The following HDAC5 variants were observed in gnomAD, a reference collection of about 807,000 sequenced individuals.
HDAC5 encodes histone deacetylase 5.
In HDAC5, 25 loss-of-function variants were observed where a neutral mutation model predicts 133.3. That is an observed-to-expected ratio of 0.19 (90% CI 0.14 to 0.26). The LOEUF (loss-of-function observed/expected upper bound fraction) is 0.26. Ranked by LOEUF, HDAC5 falls within the 10% of genes least tolerant of loss-of-function variation. HDAC5 has a pLI of 1.00. For missense variants in HDAC5, 1,041 were observed against 1,460.5 expected (o/e 0.71, Z 4.68); for synonymous variants, 589 against 610.8 (o/e 0.96, Z 0.53).
At chr17:44,110,952 T>G in intron 2 of HDAC5, 152 bp from the exon 3 acceptor site, 19 of 643,432 alleles carry the variant, frequency 3.0e-5, no homozygotes, top group East Asian at 2.8e-5. Context: ...ACAGCACAGG[T>G]TCCCTCAGGC....
chr17:44,085,184 C>A, intron 14 of HDAC5, 29 bp from the exon 15 acceptor site: 4 of 1,563,696 alleles, frequency 2.6e-6, no homozygotes, highest in Non-Finnish European at 3.5e-6. Flanking sequence ...TGTCAGCCAG[C>A]ACTGCTCTGG....
At chr17:44,088,669 C>A in intron 11 of HDAC5, 71 bp from the exon 12 acceptor site, 2 of 1,544,688 alleles carry the variant, frequency 1.3e-6, no homozygotes, top group Non-Finnish European at 1.8e-6. Flanking sequence ...GACCCTGCAT[C>A]TTGCCCCCAC....
chr17:44,095,854 G>C (rs2051240160), intron 3 of HDAC5, among the ~76,000 whole-genome samples: 1 of 152,064 alleles, frequency 6.6e-6, no homozygotes, highest in African/African-American at 2.4e-5. Flanking sequence ...TGGTCTTACG[G>C]AGAACCGGCT....
chr17:44,094,461 T>C (rs1002284109), intron 3 of HDAC5, among the ~76,000 whole-genome samples: 27 of 151,236 alleles, frequency 1.8e-4, no homozygotes, highest in African/African-American at 4.9e-4. Flanking sequence ...CATGGTGAAA[T>C]CCTGTCTCTA....
At chr17:44,114,444 G>T (rs902806730) in intron 2 of HDAC5, among the ~76,000 whole-genome samples, 20 of 146,380 alleles carry the variant, frequency 1.4e-4, no homozygotes, top group Non-Finnish European at 2.2e-4. Context: ...GCGTGGGGGG[G>T]GGGGGCTGCT....
At chr17:44,094,843 G>A (rs1446607639) in intron 3 of HDAC5, among the ~76,000 whole-genome samples, 2 of 151,502 alleles carry the variant, frequency 1.3e-5, no homozygotes, top group Non-Finnish European at 2.9e-5. Context: ...TTGCTCTGTC[G>A]CCCAGGCTGG....
At chr17:44,110,135 AG>A (rs2052246287) in intron 3 of HDAC5, among the ~76,000 whole-genome samples, 1 of 152,214 alleles carries the variant, frequency 6.6e-6, no homozygotes, top group Non-Finnish European at 1.5e-5. Context: ...GGAGACAGCT[AG>A]GGGCTAAGGC....
At chr17:44,086,502 C>T in intron 14 of HDAC5, 70 bp downstream of exon 14, 1 of 1,227,818 alleles carries the variant, frequency 8.1e-7, no homozygotes, top group East Asian at 3.1e-5. Flanking sequence ...TTCCCCCTGC[C>T]ATGGGGCAGA....
Position 44,092,225 on chromosome 17 carries a change from T to C in HDAC5, c.979A>G (p.Ser327Gly), listed in dbSNP as rs1436667228. The C allele has an allele frequency of 6.2e-7, 1 of 1,614,050 alleles. No individual in the cohort carries two copies. Among genetic ancestry groups the C allele is most frequent in the Non-Finnish European group, 8.5e-7 (1 of 1,179,986 alleles). Residue 327 changes from serine (S) to glycine (G), a missense_variant, in exon 9 of 27, where the codon AGC becomes GGC. Ser to Gly is a moderately conservative substitution (Grantham distance 56). Around this residue, in one of 9 missense-constraint regions of HDAC5, gnomAD observed 433 missense variants for 531.6 expected, o/e 0.81. Coordinates refer to ENST00000682912, the MANE Select transcript of HDAC5 (RefSeq NM_005474.5). ...SGPSSPNSSH[S>G]TIAENGFTGS... ...GTAAAGCCATTCTCAGCGATGGTGC[T>C]GTGGGAGCTGTTGGGAGAGCTGGGG...
At chr17:44,080,634 C>T in intron 21 of HDAC5, 129 bp downstream of exon 21, 1 of 1,472,630 alleles carries the variant, frequency 6.8e-7, no homozygotes, top group Non-Finnish European at 9.4e-7. Flanking sequence ...TCAGTGTGGT[C>T]CTCCCACTAG....
At chr17:44,085,310 C>T (rs1278611705) in intron 14 of HDAC5, 155 bp from the exon 15 acceptor site, 1 of 595,516 alleles carries the variant, frequency 1.7e-6, no homozygotes, top group Non-Finnish European at 2.6e-6. Flanking sequence ...ACAAACCTGC[C>T]CCCTCTCCTC....
rs1006462352 is a variant in HDAC5, at chr17:44,086,560, G to A, written c.2050+12C>T. 5 of 1,298,852 alleles carry A rather than the reference G, an allele frequency of 3.8e-6. No homozygotes were observed. Among genetic ancestry groups the A allele is most frequent in the Admixed American group, 6.5e-5 (2 of 30,610 alleles). 80.5% of individuals were successfully genotyped at this position (1,298,852 alleles called of 1,614,324 possible). A position where few individuals can be genotyped will look rare whatever the true frequency, so the allele number is the denominator to read the frequency against. ...GCCTGGCAGAAGGACCTAACAGTTG[G>A]TGGGGGCTCACCTGTGGTGAAGAGG... is the stretch of plus-strand genomic sequence containing the variant. On this transcript the variant is annotated intron_variant, in intron 14 of 26. Transcript: ENST00000682912.
At chr17:44,113,179 C>G (rs960439151) in intron 2 of HDAC5, among the ~76,000 whole-genome samples, 1 of 152,172 alleles carries the variant, frequency 6.6e-6, no homozygotes, top group Non-Finnish European at 1.5e-5. Context: ...GGCAGGAGAG[C>G]CTTATTCTAA....
chr17:44,097,666 G>A (rs2051353070), intron 3 of HDAC5, among the ~76,000 whole-genome samples: 1 of 152,262 alleles, frequency 6.6e-6, no homozygotes, highest in African/African-American at 2.4e-5. Context: ...ACTCAGCCAA[G>A]CAATGGACAG....
At chr17:44,086,855 C>T in intron 13 of HDAC5, 118 bp from the exon 14 acceptor site, 1 of 670,888 alleles carries the variant, frequency 1.5e-6, no homozygotes, top group Non-Finnish European at 2.1e-6. Flanking sequence ...AAGTCTCCTT[C>T]CCCCACCTCC....
chr17:44,102,920 G>A (rs1206652850), intron 3 of HDAC5, among the ~76,000 whole-genome samples: 1 of 151,848 alleles, frequency 6.6e-6, no homozygotes, highest in Non-Finnish European at 1.5e-5. Flanking sequence ...CACCCGCCTC[G>A]CCTCCCAAAG....
chr17:44,099,743 G>A (rs1056052588), intron 3 of HDAC5, among the ~76,000 whole-genome samples: 3 of 152,168 alleles, frequency 2.0e-5, no homozygotes, highest in African/African-American at 7.2e-5. Context: ...CAAAGTGCCA[G>A]GATTACCAGC....
At chr17:44,106,861 G>A (rs1434543132) in intron 3 of HDAC5, among the ~76,000 whole-genome samples, 1 of 151,902 alleles carries the variant, frequency 6.6e-6, no homozygotes, top group Non-Finnish European at 1.5e-5. Context: ...ACCGAGCCCG[G>A]CCAAAAGTAG....
At chr17:44,091,601 C>T in intron 10 of HDAC5, 99 bp downstream of exon 10, 1 of 1,495,734 alleles carries the variant, frequency 6.7e-7, no homozygotes, top group South Asian at 1.4e-5. Flanking sequence ...GCCAACAGAT[C>T]TCCCTTAGGG....
Sources: gnomAD v4.1 joint callset for allele counts (sites outside exome capture counted in the v4.1 genomes callset) on GRCh38, gnomAD v4.1.1 for gene constraint, gnomAD v4.1.1 regional missense constraint, MANE v1.5 for transcripts, NCBI Gene and HGNC (gene_info 2026-07-23, HGNC 2026-07-21) for gene names.